Variants in ZNF516 observed in about 807,000 individuals in gnomAD.
ZNF516 encodes the protein zinc finger protein 516.
A neutral mutation model predicts 79.7 loss-of-function variants in ZNF516; 19 were observed. The ratio of observed to expected loss-of-function variants is 0.24; its 90% CI spans 0.17 to 0.35. ZNF516 has a LOEUF of 0.35. ZNF516 is among the 10% of genes least tolerant of loss of function. The pLI is 1.00. For missense variants in ZNF516, 1,678 were observed against 1,679.5 expected (o/e 1.00, Z 0.02); for synonymous variants, 877 against 739.5 (o/e 1.19, Z -3.02).
At chr18:76,471,548 G>A (rs981059985) in intron 1 of ZNF516, among the ~76,000 whole-genome samples, 19 of 152,130 alleles carry the variant, frequency 1.2e-4, no homozygotes, top group Non-Finnish European at 2.1e-4. Flanking sequence ...TCTGACCTGC[G>A]GTGGGCCCAT....
intron 2 of ZNF516, among the ~76,000 whole-genome samples, chr18:76,462,769 G>GT (rs371944018): frequency 6.6e-6 from 1 of 152,214 alleles, no homozygotes; most frequent in Non-Finnish European, 1.5e-5. Context: ...TACACTGGCT[G>GT]TTTTTCAGCA....
chr18:76,473,192 A>G (rs1428608515), intron 1 of ZNF516, among the ~76,000 whole-genome samples: 1 of 152,126 alleles, frequency 6.6e-6, no homozygotes, highest in African/African-American at 2.4e-5. Flanking sequence ...CAATAAAGAG[A>G]AAAGAAGAAA....
chr18:76,429,009 G>C (rs966826432), intron 3 of ZNF516, among the ~76,000 whole-genome samples: 10 of 152,246 alleles, frequency 6.6e-5, no homozygotes, highest in African/African-American at 2.2e-4. Context: ...GGCAGGGCAG[G>C]GAGGTCAGCA....
chr18:76,371,030 G>A (rs774778106), intron 5 of ZNF516, among the ~76,000 whole-genome samples: 21 of 152,216 alleles, frequency 1.4e-4, no homozygotes, highest in Non-Finnish European at 3.1e-4. Context: ...CATAAGGGCT[G>A]AGGGATTTTG....
At position 76,451,316 on chromosome 18, in the gene ZNF516, G is replaced by T. The variant is rs1599112490; in HGVS notation, c.-157-8105C>A. On this transcript the variant is annotated intron_variant, in intron 2 of 6. Transcript: ENST00000443185. The surrounding 1 kb of genome is among the most constrained non-coding windows in gnomAD (Gnocchi z 6.0). ...CTCTGACCACCTTCCGGGGGCGGGG[G>T]GGGCACCGATGTCAGCCCGGGATGG... 1.3e-5 allele frequency among the ~76,000 whole-genome samples: 2 copies of T among 152,200 alleles called. No individual in the cohort carries two copies. The highest frequency in any genetic ancestry group is 2.1e-4 in the South Asian group (1 of 4,828).
At chr18:76,491,678 CG>C in intron 1 of ZNF516, 11 of 505,680 alleles carry the variant, frequency 2.2e-5, no homozygotes, top group Non-Finnish European at 2.8e-5. Context: ...GCCCCCACCC[CG>C]GGGCGGGCAG....
intron 3 of ZNF516, among the ~76,000 whole-genome samples, chr18:76,402,753 G>A (rs556627902): frequency 1.5e-4 from 23 of 152,354 alleles, no homozygotes; most frequent in African/African-American, 4.3e-4. Context: ...AACTAGAAGC[G>A]AGCTCCATCG....
chr18:76,391,423 T>C (rs1272831026), intron 3 of ZNF516, among the ~76,000 whole-genome samples: 1 of 151,882 alleles, frequency 6.6e-6, no homozygotes, highest in East Asian at 1.9e-4. Context: ...CCATAACCAC[T>C]AACTCTAACA....
chr18:76,364,090 C>T (rs1007871907), intron 6 of ZNF516, among the ~76,000 whole-genome samples: 17 of 152,256 alleles, frequency 1.1e-4, no homozygotes, highest in Admixed American at 8.5e-4. Context: ...GAAGGGCTAA[C>T]GTTTTATATT....
intron 1 of ZNF516, among the ~76,000 whole-genome samples, chr18:76,485,581 G>A (rs1914783941): frequency 6.6e-6 from 1 of 152,156 alleles, no homozygotes; most frequent in South Asian, 2.1e-4. Context: ...AGAGGTGTCT[G>A]GAGACACATT....
intron 2 of ZNF516, among the ~76,000 whole-genome samples, chr18:76,449,197 C>T (rs1033908817): frequency 6.6e-6 from 1 of 152,202 alleles, no homozygotes; most frequent in Non-Finnish European, 1.5e-5. Context: ...TCTCCCAGCC[C>T]TTCAGAGGCT....
intron 3 of ZNF516, among the ~76,000 whole-genome samples, chr18:76,440,201 AAC>A: frequency 1.0e-5 from 1 of 100,024 alleles, no homozygotes; most frequent in Non-Finnish European, 2.2e-5. Flanking sequence ...ACCCTCACAT[AAC>A]ACACTGTGTA....
intron 3 of ZNF516, among the ~76,000 whole-genome samples, chr18:76,431,250 GAC>G (rs71991368): frequency 7.3e-5 from 11 of 150,214 alleles, no homozygotes; most frequent in East Asian, 1.9e-4. Context: ...CAGAGACGAG[GAC>G]ACACACACAC....
At chr18:76,414,501 C>G (rs1214931024) in intron 3 of ZNF516, among the ~76,000 whole-genome samples, 1 of 152,234 alleles carries the variant, frequency 6.6e-6, no homozygotes, top group African/African-American at 2.4e-5. Flanking sequence ...GTTTTCGTGT[C>G]TCTGGTGATT....
chr18:76,381,703 T>G (rs2074895189), intron 3 of ZNF516, among the ~76,000 whole-genome samples: 1 of 152,226 alleles, frequency 6.6e-6, no homozygotes, highest in Non-Finnish European at 1.5e-5. Flanking sequence ...AGTGCGCAAT[T>G]CATACGCCGT....
At chr18:76,481,452 T>C (rs764300896) in intron 1 of ZNF516, among the ~76,000 whole-genome samples, 2 of 152,014 alleles carry the variant, frequency 1.3e-5, no homozygotes, top group Non-Finnish European at 2.9e-5. Flanking sequence ...AGCTACATAA[T>C]CCCAAATGGC....
At chr18:76,366,870 T>C (rs2074619793) in intron 6 of ZNF516, among the ~76,000 whole-genome samples, 1 of 152,228 alleles carries the variant, frequency 6.6e-6, no homozygotes, top group East Asian at 1.9e-4. Flanking sequence ...TATATGTCTA[T>C]GGTAGAGGAT....
chr18:76,479,778 G>A (rs569490119), intron 1 of ZNF516, among the ~76,000 whole-genome samples: 3 of 152,336 alleles, frequency 2.0e-5, no homozygotes, highest in South Asian at 4.1e-4. Flanking sequence ...TCAGGCCCTT[G>A]GCCTCCTGGC....
At chr18:76,403,959 A>G (rs1458235086) in intron 3 of ZNF516, among the ~76,000 whole-genome samples, 1 of 152,220 alleles carries the variant, frequency 6.6e-6, no homozygotes, top group Non-Finnish European at 1.5e-5. Flanking sequence ...CCTGCGGACA[A>G]CGAGCACCGA....
Sources: allele counts gnomAD v4.1 joint callset (sites outside exome capture counted in the v4.1 genomes callset), GRCh38; gene constraint gnomAD v4.1.1; non-coding constraint Gnocchi (gnomAD v3.1); transcripts MANE v1.5; gene names NCBI Gene and HGNC (gene_info 2026-07-23, HGNC 2026-07-21).